The following SMYD3 variants were observed in gnomAD, a reference collection of about 807,000 sequenced individuals.
SMYD3 encodes histone-lysine N-methyltransferase SMYD3.
In SMYD3, 36 loss-of-function variants were observed where a neutral mutation model predicts 57.7. That is an observed-to-expected ratio of 0.62 (90% CI 0.48 to 0.82). The LOEUF (loss-of-function observed/expected upper bound fraction) is 0.82. Ranked by LOEUF, SMYD3 falls within the 40% of genes least tolerant of loss-of-function variation. The pLI is 0.00. For missense variants in SMYD3, 515 were observed against 538.8 expected, an observed-to-expected ratio of 0.96 and a Z score of 0.44; for synonymous variants, 211 against 195.0, an observed-to-expected ratio of 1.08 and a Z score of -0.68.
intron 5 of SMYD3, among the ~76,000 whole-genome samples, chr1:246,306,715 C>G (rs2064985623): frequency 6.6e-6 from 1 of 152,200 alleles, no homozygotes; most frequent in Non-Finnish European, 1.5e-5. Flanking sequence ...CAAACTCGCT[C>G]AGATAAGATC....
At chr1:246,471,745 A>G (rs890808181) in intron 1 of SMYD3, among the ~76,000 whole-genome samples, 1 of 152,250 alleles carries the variant, frequency 6.6e-6, no homozygotes, top group Non-Finnish European at 1.5e-5. Context: ...AAAACACTTT[A>G]TATCTTATCT....
At position 245,817,277 on chromosome 1, in the gene SMYD3, G is replaced by C. The variant is rs12028856; in HGVS notation, c.1076+41219C>G. Among the ~76,000 whole-genome samples, 638 of 141,700 alleles carry C rather than the reference G, an allele frequency of 4.5e-3. 14 individuals carry two copies. The highest frequency in any genetic ancestry group is 6.1e-3 in the Non-Finnish European group (401 of 65,744). The allele number at this position is 141,700 out of a possible 152,430, so 93.0% of individuals were successfully genotyped here. A position where few individuals can be genotyped will look rare whatever the true frequency, so the allele number is the denominator to read the frequency against. ...CAGCCTAACTGGGAGGCACCCCCCA[G>C]CAGGGGCACACTGACACCTCACATG... On this transcript the variant is annotated intron_variant, in intron 10 of 11. Transcript: ENST00000490107.
At chr1:246,425,817 G>T (rs952595882) in intron 1 of SMYD3, among the ~76,000 whole-genome samples, 4 of 152,156 alleles carry the variant, frequency 2.6e-5, no homozygotes, top group African/African-American at 9.7e-5. Flanking sequence ...CCTTCAGAAT[G>T]ATGCCATTTC....
At chr1:245,921,574 C>T (rs114564681) in intron 7 of SMYD3, among the ~76,000 whole-genome samples, 3,420 of 119,646 alleles carry the variant, frequency 0.029, 148 homozygotes, top group African/African-American at 0.095. Flanking sequence ...TATATATACA[C>T]ATACCATGGA....
intron 5 of SMYD3, among the ~76,000 whole-genome samples, chr1:246,314,299 G>A (rs1490953981): frequency 1.3e-5 from 2 of 152,030 alleles, no homozygotes; most frequent in Non-Finnish European, 2.9e-5. Context: ...CCATAATTAG[G>A]GCTCTAACAG....
intron 4 of SMYD3, among the ~76,000 whole-genome samples, chr1:246,327,567 A>G (rs1001516659): frequency 1.2e-4 from 18 of 152,348 alleles, no homozygotes; most frequent in South Asian, 4.1e-4. Flanking sequence ...CTATCAAAAC[A>G]TAAGTACGCA....
intron 1 of SMYD3, among the ~76,000 whole-genome samples, chr1:246,506,760 C>A (rs1450361453): frequency 6.6e-6 from 1 of 152,238 alleles, no homozygotes; most frequent in Non-Finnish European, 1.5e-5. Flanking sequence ...CACAACGCTT[C>A]CCCCTCAAGT....
At chr1:246,372,756 C>T (rs897555339) in intron 1 of SMYD3, among the ~76,000 whole-genome samples, 2 of 152,024 alleles carry the variant, frequency 1.3e-5, no homozygotes, top group Middle Eastern at 3.2e-3. Flanking sequence ...TTTGTGGGGC[C>T]GAGGCAGGCG....
At chr1:245,970,507 T>C (rs2058271071) in intron 5 of SMYD3, among the ~76,000 whole-genome samples, 1 of 151,926 alleles carries the variant, frequency 6.6e-6, no homozygotes, top group Non-Finnish European at 1.5e-5. Flanking sequence ...AAGAAAAGTA[T>C]CAGAGGAAAC....
chr1:246,071,698 G>T (rs1011976435), intron 5 of SMYD3, among the ~76,000 whole-genome samples: 1 of 152,168 alleles, frequency 6.6e-6, no homozygotes, highest in Non-Finnish European at 1.5e-5. Context: ...CCCAAACACT[G>T]AAACCCCAAA....
chr1:245,996,781 C>T (rs928052099), intron 5 of SMYD3, among the ~76,000 whole-genome samples: 5 of 152,208 alleles, frequency 3.3e-5, no homozygotes, highest in African/African-American at 1.2e-4. Flanking sequence ...ACTAGGGACA[C>T]CTACAGAAAC....
rs570862643 is a variant in SMYD3 at position 246,107,095 on chromosome 1, C to T, written c.532-177158G>A. On this transcript the variant is annotated intron_variant, in intron 5 of 11. Coordinates refer to ENST00000490107, the MANE Select transcript of SMYD3 (RefSeq NM_001167740.2). ...CGGGCGGATCACAAGGTCAGGAGAT[C>T]GAGACCACGGTGAAACCCCGTCTCT... Among the ~76,000 whole-genome samples, 44 of 138,036 alleles carry T rather than the reference C, an allele frequency of 3.2e-4. No homozygotes were observed. In the East Asian group the frequency reaches 9.8e-3, roughly 31 times the overall value. The allele number at this position is 138,036 out of a possible 152,430, so 90.6% of individuals were successfully genotyped here.
intron 5 of SMYD3, among the ~76,000 whole-genome samples, chr1:246,143,321 G>A (rs1218899015): frequency 6.6e-6 from 1 of 152,162 alleles, no homozygotes; most frequent in Non-Finnish European, 1.5e-5. Flanking sequence ...CAGTGTCCTT[G>A]CAGTCTTGGG....
At chr1:246,366,964 C>T (rs1161426247) in intron 1 of SMYD3, among the ~76,000 whole-genome samples, 1 of 149,090 alleles carries the variant, frequency 6.7e-6, no homozygotes, top group Non-Finnish European at 1.5e-5. Flanking sequence ...CACCACATGT[C>T]ATTTCAAATT....
At chr1:246,121,194 G>A (rs2061419133) in intron 5 of SMYD3, among the ~76,000 whole-genome samples, 1 of 151,496 alleles carries the variant, frequency 6.6e-6, no homozygotes, top group Non-Finnish European at 1.5e-5. Flanking sequence ...ATTTTACTAG[G>A]ACATTATCCT....
intron 10 of SMYD3, among the ~76,000 whole-genome samples, chr1:245,805,701 C>T (rs6605249): frequency 0.72 from 109,999 of 151,904 alleles, 40,250 homozygotes; most frequent in Non-Finnish European, 0.77. Context: ...ATATTCAGTG[C>T]TCACCCCGTC....
intron 8 of SMYD3, among the ~76,000 whole-genome samples, chr1:245,869,020 A>G: frequency 6.6e-6 from 1 of 152,168 alleles, no homozygotes; most frequent in East Asian, 1.9e-4. Context: ...AAATTAGTAA[A>G]TTTATATCCT....
At chr1:246,433,644 C>G (rs1391627210) in intron 1 of SMYD3, among the ~76,000 whole-genome samples, 1 of 152,096 alleles carries the variant, frequency 6.6e-6, no homozygotes, top group Non-Finnish European at 1.5e-5. Flanking sequence ...CTGGGTGACA[C>G]AGCAAGGCTG....
At chr1:245,926,008 G>C (rs1341886800) in intron 7 of SMYD3, among the ~76,000 whole-genome samples, 2 of 152,186 alleles carry the variant, frequency 1.3e-5, no homozygotes, top group Non-Finnish European at 2.9e-5. Context: ...TGGGAAGCAT[G>C]ATGCCAAAAG....
Sources: allele counts gnomAD v4.1 joint callset (sites outside exome capture counted in the v4.1 genomes callset), GRCh38; gene constraint gnomAD v4.1.1; transcripts MANE v1.5; gene names NCBI Gene and HGNC (gene_info 2026-07-23, HGNC 2026-07-21).